Variants in ADTRP observed in about 807,000 individuals in gnomAD.
ADTRP encodes androgen-dependent TFPI-regulating protein.
A neutral mutation model predicts 27.0 loss-of-function variants in ADTRP; 20 were observed. That is an observed-to-expected ratio of 0.74 (90% CI 0.52 to 1.08). The LOEUF (loss-of-function observed/expected upper bound fraction) is 1.08, where lower values mean the gene tolerates loss of function less well. Among genes scored for constraint, ADTRP ranks in the 50% least tolerant of loss-of-function variants. The pLI is 0.00. For missense variants in ADTRP, 251 were observed against 275.0 expected (o/e 0.91, Z 0.62); for synonymous variants, 101 against 105.2 (o/e 0.96, Z 0.25).
chr6:11,742,316 T>C (rs1423450871), intron 3 of ADTRP, among the ~76,000 whole-genome samples: 2 of 148,382 alleles, frequency 1.3e-5, no homozygotes, highest in African/African-American at 5.3e-5. Flanking sequence ...CCTTTTTTCA[T>C]TTTTTTAACT....
intron 3 of ADTRP, chr6:11,736,801 C>T (rs890570193): frequency 1.3e-5 from 2 of 152,170 alleles, no homozygotes; most frequent in African/African-American, 4.8e-5. Flanking sequence ...TCTGGGGGGC[C>T]GGAGAACACG....
At chr6:11,769,538 G>A (rs1233253332) in intron 1 of ADTRP, among the ~76,000 whole-genome samples, 1 of 152,060 alleles carries the variant, frequency 6.6e-6, no homozygotes, top group Admixed American at 6.6e-5. Context: ...CAAAATCTCT[G>A]GAAATGGGGT....
intron 2 of ADTRP, among the ~76,000 whole-genome samples, chr6:11,767,003 C>A (rs1335706084): frequency 2.0e-5 from 3 of 152,236 alleles, no homozygotes; most frequent in Non-Finnish European, 4.4e-5. Context: ...AACTTCTGAT[C>A]TTCCTATCTT....
At chr6:11,776,034 C>A (rs1288299023) in intron 1 of ADTRP, among the ~76,000 whole-genome samples, 1 of 54,412 alleles carries the variant, frequency 1.8e-5, no homozygotes, top group African/African-American at 8.1e-5. Context: ...TTAGGAGACA[C>A]AACCATTAAT....
intron 3 of ADTRP, among the ~76,000 whole-genome samples, chr6:11,751,697 A>G (rs1383371127): frequency 6.6e-6 from 1 of 152,132 alleles, no homozygotes; most frequent in Non-Finnish European, 1.5e-5. Context: ...CTGAGATCCT[A>G]TTTCTTCTTT....
intron 1 of ADTRP, among the ~76,000 whole-genome samples, chr6:11,778,244 T>C (rs906377612): frequency 2.0e-5 from 3 of 152,368 alleles, no homozygotes; most frequent in South Asian, 2.1e-4. Context: ...CTCTGCCTTC[T>C]CTTCACAGAC....
chr6:11,745,944 T>C (rs187726495), intron 3 of ADTRP, among the ~76,000 whole-genome samples: 322 of 152,126 alleles, frequency 2.1e-3, no homozygotes, highest in African/African-American at 7.4e-3. Context: ...GCGTGTGCCA[T>C]TGCACCTGGC....
At chr6:11,729,552 C>T (rs1193755054) in intron 4 of ADTRP, among the ~76,000 whole-genome samples, 1 of 152,124 alleles carries the variant, frequency 6.6e-6, no homozygotes, top group Non-Finnish European at 1.5e-5. Flanking sequence ...TTCCCTCTCT[C>T]CTCTCTCTCT....
At chr6:11,761,132 A>C (rs765493856) in intron 3 of ADTRP, among the ~76,000 whole-genome samples, 1 of 152,144 alleles carries the variant, frequency 6.6e-6, no homozygotes, top group South Asian at 2.1e-4. Flanking sequence ...CTTCTGCCAG[A>C]ATGTCCTGTG....
At chr6:11,761,004 A>G (rs1311675385) in intron 3 of ADTRP, among the ~76,000 whole-genome samples, 7 of 152,016 alleles carry the variant, frequency 4.6e-5, no homozygotes, top group Non-Finnish European at 1.5e-5. Flanking sequence ...CCCTGGCTAC[A>G]CCCTCTTATC....
intron 3 of ADTRP, among the ~76,000 whole-genome samples, chr6:11,756,801 A>G (rs960667848): frequency 6.6e-6 from 1 of 152,192 alleles, no homozygotes; most frequent in South Asian, 2.1e-4. Flanking sequence ...TCTATCACTA[A>G]TCAGTTCTGT....
intron 3 of ADTRP, among the ~76,000 whole-genome samples, chr6:11,757,466 T>C (rs1396771987): frequency 6.6e-6 from 1 of 152,208 alleles, no homozygotes; most frequent in Non-Finnish European, 1.5e-5. Context: ...CTTTGATACC[T>C]TTGCTCTTGC....
At chr6:11,729,909 A>G (rs1482035696) in intron 4 of ADTRP, among the ~76,000 whole-genome samples, 1 of 152,136 alleles carries the variant, frequency 6.6e-6, no homozygotes, top group Non-Finnish European at 1.5e-5. Flanking sequence ...GAATTATCCT[A>G]ATTTTTCCTT....
At position 11,769,914 on chromosome 6, in the gene ADTRP, C is replaced by A; in HGVS notation, c.154-1531G>T. The A allele has an allele frequency of 2.6e-6, 3 of 1,141,446 alleles. No homozygotes were observed. The South Asian group carries it at 4.2e-5, about 16-fold the overall frequency. 70.7% of individuals were successfully genotyped at this position (1,141,446 alleles called of 1,614,324 possible). On this transcript the variant is annotated intron_variant, in intron 1 of 5. Transcript: ENST00000414691. ...CAAAGCTATAAAGCGGACTTTTATT[C>A]ATTACTTGGTATGTGCCAGGCACTG...
At chr6:11,730,467 T>C (rs1302085633) in intron 4 of ADTRP, among the ~76,000 whole-genome samples, 49 of 152,102 alleles carry the variant, frequency 3.2e-4, no homozygotes, top group Admixed American at 3.2e-3. Flanking sequence ...GAAAAATGAA[T>C]AAAAACCAGA....
At chr6:11,716,067 A>C (rs1406260839) in intron 5 of ADTRP, among the ~76,000 whole-genome samples, 1 of 152,062 alleles carries the variant, frequency 6.6e-6, no homozygotes, top group Non-Finnish European at 1.5e-5. Flanking sequence ...CTTTTTCTGT[A>C]GAGTATACTC....
intron 1 of ADTRP, among the ~76,000 whole-genome samples, chr6:11,775,854 C>G (rs935769071): frequency 3.3e-5 from 5 of 152,178 alleles, no homozygotes; most frequent in Non-Finnish European, 7.3e-5. Context: ...ATTAGAAATT[C>G]AAGCTGTTTA....
intron 5 of ADTRP, among the ~76,000 whole-genome samples, chr6:11,719,003 T>G (rs1398636269): frequency 6.6e-6 from 1 of 152,216 alleles, no homozygotes; most frequent in Non-Finnish European, 1.5e-5. Flanking sequence ...TCCTTCTTGC[T>G]CTCTTGTCCA....
chr6:11,736,700 A>C (rs1220285551), intron 3 of ADTRP: 1 of 152,274 alleles, frequency 6.6e-6, no homozygotes, highest in African/African-American at 2.4e-5. Flanking sequence ...GCTGTCTCTG[A>C]ATTTTCCTCT....
Sources: gnomAD v4.1 joint callset for allele counts (sites outside exome capture counted in the v4.1 genomes callset) on GRCh38, gnomAD v4.1.1 for gene constraint, MANE v1.5 for transcripts, NCBI Gene and HGNC (gene_info 2026-07-23, HGNC 2026-07-21) for gene names.